Variants in AGGF1 observed in about 807,000 individuals in gnomAD.
AGGF1 encodes the protein angiogenic factor with G patch and FHA domains 1.
In AGGF1, 56 loss-of-function variants were observed where a neutral mutation model predicts 86.5. The ratio of observed to expected loss-of-function variants is 0.65; its 90% CI spans 0.52 to 0.81. AGGF1 has a LOEUF of 0.81. AGGF1 is among the 30% of genes least tolerant of loss of function. AGGF1 has a pLI of 0.00. For missense variants in AGGF1, 816 were observed against 850.9 expected (o/e 0.96, Z 0.51); for synonymous variants, 313 against 297.1 (o/e 1.05, Z -0.55).
intron 1 of AGGF1, 29 bp from the exon 2 acceptor site, chr5:77,034,389 C>CT (rs1205077840): frequency 7.2e-7 from 1 of 1,381,878 alleles, no homozygotes; most frequent in Non-Finnish European, 1.0e-6. Context: ...TACATGATTT[C>CT]TTTTTCCTAA....
intron 5 of AGGF1, among the ~76,000 whole-genome samples, chr5:77,044,002 C>T (rs1013323855): frequency 1.6e-5 from 2 of 124,694 alleles, no homozygotes; most frequent in Middle Eastern, 3.8e-3. Flanking sequence ...CAGAGACGCT[C>T]CTCACTTCCT....
chr5:77,031,374 A>T (rs755122221), intron 1 of AGGF1, among the ~76,000 whole-genome samples: 1 of 152,198 alleles, frequency 6.6e-6, no homozygotes, highest in Non-Finnish European at 1.5e-5. Flanking sequence ...TCAGTTCCCC[A>T]TTAAATGAGA....
intron 8 of AGGF1, among the ~76,000 whole-genome samples, chr5:77,050,241 A>G (rs1207231850): frequency 6.7e-6 from 1 of 149,422 alleles, no homozygotes; most frequent in Non-Finnish European, 1.5e-5. Context: ...GCGATCTGAG[A>G]TCCTTCCCCA....
At chr5:77,051,080 G>A (rs187963343) in intron 8 of AGGF1, among the ~76,000 whole-genome samples, 2 of 152,224 alleles carry the variant, frequency 1.3e-5, no homozygotes, top group Admixed American at 6.5e-5. Context: ...GGAAAAAAGT[G>A]TACAAAGGAC....
At position 77,034,535 on chromosome 5, in the gene AGGF1, G is replaced by GT; in HGVS notation, c.313+16dup. 1.1e-5 allele frequency: 16 copies of GT among 1,489,856 alleles called. No homozygotes were observed. The highest frequency in any genetic ancestry group is 1.4e-5 in the Non-Finnish European group (15 of 1,066,650). 92.3% of individuals were successfully genotyped at this position (1,489,856 alleles called of 1,614,324 possible). ...GTCAATCTCAGGTATTTAGCTTATA[G>GT]TGAGGATATGCTAACACTGTTACAT... is the stretch of plus-strand genomic sequence containing the variant. On this transcript the variant is annotated intron_variant, in intron 2 of 13. Transcript: ENST00000312916.
Position 77,052,346 on chromosome 5 carries a change from C to T in AGGF1, c.1366-360C>T, listed in dbSNP as rs1436852515. On this transcript the variant is annotated intron_variant, in intron 8 of 13. Transcript: ENST00000312916. ...GTAGCCTGGGTGACAGAGCGAGACC[C>T]TGTCTCAAAAAAAAAAGTTTTTGAT... is the stretch of plus-strand genomic sequence containing the variant. Among the ~76,000 whole-genome samples the T allele has an allele frequency of 2.7e-5, 4 of 148,736 alleles. No individual in the cohort carries two copies. The South Asian group carries it at 6.3e-4, about 23-fold the overall frequency.
At chr5:77,044,466 A>AG (rs1747208032) in intron 5 of AGGF1, among the ~76,000 whole-genome samples, 1 of 152,216 alleles carries the variant, frequency 6.6e-6, no homozygotes, top group South Asian at 2.1e-4. Context: ...GGAAGACAGT[A>AG]GGGGAGATAG....
chr5:77,059,606 G>A lies in AGGF1; in HGVS notation c.1717-10G>A, dbSNP rs1463014116. The stretch of plus-strand genomic sequence containing the variant: ...TTCTTTTCCTGAATGAATATTTTGT[G>A]TTTATTAAGAATACAGAATACGAAG... On this transcript the variant is annotated splice_polypyrimidine_tract_variant and intron_variant, in intron 11 of 13. Coordinates refer to ENST00000312916, the MANE Select transcript of AGGF1 (RefSeq NM_018046.5). 1 of 1,595,516 alleles carries A rather than the reference G, an allele frequency of 6.3e-7. No individual in the cohort carries two copies. Among genetic ancestry groups the A allele is most frequent in the Non-Finnish European group, 8.6e-7 (1 of 1,165,116 alleles).
At chr5:77,044,894 C>G (rs1312468028) in intron 5 of AGGF1, among the ~76,000 whole-genome samples, 1 of 152,020 alleles carries the variant, frequency 6.6e-6, no homozygotes, top group Non-Finnish European at 1.5e-5. Context: ...GAAACCCCAT[C>G]TCTACTAAAA....
Position 77,046,485 on chromosome 5 carries a change from A to C in AGGF1, c.1009A>C (p.Thr337Pro). The part of the protein sequence containing the change: ...KNSPPKVTVP[T>P]SGNTIESPLH... The stretch of plus-strand genomic sequence containing the variant: ...TAGTCCCCCCAAAGTCACTGTTCCA[A>C]CTAGTGGAAATACTATAGAGTCTCC... Residue 337 changes from threonine (T) to proline (P), a missense_variant, in exon 6 of 14, where the codon ACT (threonine) becomes CCT (proline). Coordinates refer to ENST00000312916, the MANE Select transcript of AGGF1 (RefSeq NM_018046.5). 6.2e-7 allele frequency: 1 copy of C among 1,614,074 alleles called. No homozygotes were observed. Among genetic ancestry groups the C allele is most frequent in the South Asian group, 1.1e-5 (1 of 91,078 alleles).
chr5:77,047,069 G>A (rs1747269209), intron 6 of AGGF1, among the ~76,000 whole-genome samples: 1 of 152,044 alleles, frequency 6.6e-6, no homozygotes, highest in African/African-American at 2.4e-5. Context: ...TGGATATTAT[G>A]GTAAATCTAA....
At position 77,053,966 on chromosome 5, in the gene AGGF1, C is replaced by G. The variant is rs751751543; in HGVS notation, c.1469C>G (p.Pro490Arg). 6.2e-7 allele frequency: 1 copy of G among 1,613,936 alleles called. No individual in the cohort carries two copies. The highest frequency in any genetic ancestry group is 1.3e-5 in the African/African-American group (1 of 74,996). The change falls in exon 10 of 14, where the codon CCG (proline) becomes CGG (arginine). Residue 490 changes from proline (P) to arginine (R), a missense_variant and splice_region_variant. Pro to Arg is a moderately radical substitution (Grantham distance 103). Transcript: ENST00000312916. ...TTTTGTAAAATGTTTCCCCTCTAGCCGAAAACTAAATGTGACCCTTACGTA... is the reference window on the plus strand; with the variant it reads ...TTTTGTAAAATGTTTCCCCTCTAGCGGAAAACTAAATGTGACCCTTACGTA... The part of the protein sequence containing the change: ...TIVNGKQILQ[P>R]KTKCDPYVLE...
chr5:77,061,105 T>C (rs1279101034), intron 12 of AGGF1, among the ~76,000 whole-genome samples: 2 of 152,148 alleles, frequency 1.3e-5, no homozygotes, highest in Admixed American at 6.5e-5. Flanking sequence ...TTACACAAAT[T>C]ATAAGTATAT....
intron 5 of AGGF1, among the ~76,000 whole-genome samples, chr5:77,043,539 C>A (rs1580128373): frequency 7.1e-6 from 1 of 141,124 alleles, no homozygotes. Flanking sequence ...GGGGGGCTGA[C>A]CCCCCCACCT....
Position 77,039,644 on chromosome 5 carries a change from C to G in AGGF1, c.795C>G (p.Ser265Arg). 4.3e-6 allele frequency: 7 copies of G among 1,612,752 alleles called. No homozygotes were observed. Among genetic ancestry groups the G allele is most frequent in the South Asian group, 1.1e-5 (1 of 90,756 alleles). ...ATTTGCAACCTTATCCGACTTCTAG[C>G]ACAAAACAAAGTAAAGATAAAAAAT... is the stretch of plus-strand genomic sequence containing the variant. The part of the protein sequence containing the change: ...RVDLQPYPTS[S>R]TKQSKDKKLK... The change falls in exon 5 of 14, where the codon AGC becomes AGG. Residue 265 changes from serine to arginine, a missense_variant. Physicochemically the swap from Ser to Arg is moderately radical, Grantham distance 110 (BLOSUM62 -1). Transcript: ENST00000312916.
chr5:77,040,070 T>C lies in AGGF1; in HGVS notation c.870+351T>C, dbSNP rs554205712. ...GTAGACATAGATACAGGTTCAACTT[T>C]CTTAGTTATGTGGAGCAATTTTTTA... On this transcript the variant is annotated intron_variant, in intron 5 of 13. Coordinates refer to ENST00000312916, the MANE Select transcript of AGGF1 (RefSeq NM_018046.5). Among the ~76,000 whole-genome samples, 4 of 152,152 alleles carry C rather than the reference T, an allele frequency of 2.6e-5. No homozygotes were observed. In the South Asian group the frequency reaches 6.2e-4, roughly 24 times the overall value.
chr5:77,061,431 AT>A (rs1029759404), intron 12 of AGGF1, among the ~76,000 whole-genome samples: 4 of 152,192 alleles, frequency 2.6e-5, no homozygotes, highest in African/African-American at 7.2e-5. Context: ...CAATTTATCC[AT>A]TTTAATCATT....
At chr5:77,061,675 T>C in intron 12 of AGGF1, 28 bp from the exon 13 acceptor site, 1 of 1,567,718 alleles carries the variant, frequency 6.4e-7, no homozygotes, top group Non-Finnish European at 8.8e-7. Flanking sequence ...CTTTTATAAA[T>C]CAACTATCAT....
In AGGF1 at chr5:77,035,754, G is replaced by A. The variant is rs1180641975; in HGVS notation, c.516+11G>A. ...GCCTCAAATTCACAGGTAATAAAATGCTAAACATGAAACTGTTGATGCCCA... is the reference window on the plus strand; with the variant it reads ...GCCTCAAATTCACAGGTAATAAAATACTAAACATGAAACTGTTGATGCCCA... On this transcript the variant is annotated intron_variant, in intron 3 of 13. Coordinates refer to ENST00000312916, the MANE Select transcript of AGGF1 (RefSeq NM_018046.5). The A allele has an allele frequency of 3.1e-6, 5 of 1,607,292 alleles. No homozygotes were observed. Among genetic ancestry groups the A allele is most frequent in the Admixed American group, 1.7e-5 (1 of 59,982 alleles).
Sources: gnomAD v4.1 joint callset for allele counts (sites outside exome capture counted in the v4.1 genomes callset) on GRCh38, gnomAD v4.1.1 for gene constraint, MANE v1.5 for transcripts, NCBI Gene and HGNC (gene_info 2026-07-23, HGNC 2026-07-21) for gene names.